The following RAPGEF5 variants were observed in gnomAD, a reference collection of about 807,000 sequenced individuals.
RAPGEF5 encodes the protein Rap guanine nucleotide exchange factor 5.
In RAPGEF5, 65 loss-of-function variants were observed where a neutral mutation model predicts 125.2. That is an observed-to-expected ratio of 0.52 (90% CI 0.43 to 0.64). The LOEUF (loss-of-function observed/expected upper bound fraction) is 0.64. Among genes scored for constraint, RAPGEF5 ranks in the 30% least tolerant of loss-of-function variants. The pLI, the probability that RAPGEF5 is intolerant of heterozygous loss-of-function variation, is 0.00. For synonymous variants in RAPGEF5, 391 were observed against 385.9 expected, an observed-to-expected ratio of 1.01 and a Z score of -0.16; for missense variants, 958 against 1,048.1, an observed-to-expected ratio of 0.91 and a Z score of 1.19.
Position 22,193,964 on chromosome 7 carries a change from G to A in RAPGEF5, c.1066C>T (p.Gln356Ter). ...DQSVLVLKKV[Q>*]CCGPAPTAGS... ...GCTGTGGGGGCTGGGCCACAGCACT[G>A]CACTTTCTTCAGCACCAGGACGCTC... The change falls in exon 10 of 26, where the codon CAG becomes TAG. Residue 356 changes from glutamine (Q) to a stop codon, truncating the protein, a stop_gained. Transcript: ENST00000665637. LOFTEE classifies it high-confidence loss of function. 1 of 1,613,920 alleles carries A rather than the reference G, an allele frequency of 6.2e-7. No homozygotes were observed. Among genetic ancestry groups the A allele is most frequent in the Non-Finnish European group, 8.5e-7 (1 of 1,179,872 alleles).
chr7:22,261,783 T>G (rs1180905685), intron 7 of RAPGEF5, among the ~76,000 whole-genome samples: 1 of 152,132 alleles, frequency 6.6e-6, no homozygotes, highest in African/African-American at 2.4e-5. Context: ...ACATGACTTT[T>G]GACAAAGGTG....
chr7:22,317,690 C>T (rs763672645), intron 2 of RAPGEF5, among the ~76,000 whole-genome samples: 18 of 152,012 alleles, frequency 1.2e-4, no homozygotes, highest in East Asian at 1.9e-4. Context: ...ATATTTATAT[C>T]GTATTTATAT....
intron 1 of RAPGEF5, among the ~76,000 whole-genome samples, chr7:22,349,897 T>C (rs1014614479): frequency 6.6e-6 from 1 of 152,190 alleles, no homozygotes; most frequent in African/African-American, 2.4e-5. Flanking sequence ...TAGGTGAAAA[T>C]ACCTCTTCCC....
chr7:22,241,701 A>G (rs1176544449), intron 7 of RAPGEF5, among the ~76,000 whole-genome samples: 1 of 152,168 alleles, frequency 6.6e-6, no homozygotes, highest in Non-Finnish European at 1.5e-5. Context: ...TTATTATACA[A>G]AACATGGTGA....
At chr7:22,177,500 A>ATGG (rs1276818015) in intron 11 of RAPGEF5, among the ~76,000 whole-genome samples, 1 of 152,234 alleles carries the variant, frequency 6.6e-6, no homozygotes, top group Non-Finnish European at 1.5e-5. Context: ...AAGGAGAAAA[A>ATGG]GTAAGGGAGG....
At chr7:22,150,367 C>T (rs1223416933) in intron 18 of RAPGEF5, 40 bp downstream of exon 18, 1 of 1,584,032 alleles carries the variant, frequency 6.3e-7, no homozygotes, top group East Asian at 2.2e-5. Context: ...GCCACCTCGC[C>T]TGGCCTGTTT....
chr7:22,219,231 C>T lies in RAPGEF5; in HGVS notation c.996+635G>A, dbSNP rs537253869. 3.9e-5 allele frequency among the ~76,000 whole-genome samples: 6 copies of T among 152,078 alleles called. No homozygotes were observed. In the East Asian group the frequency reaches 5.8e-4, roughly 15 times the overall value. ...TGGTCCCATTGTCTTCCCAGCATGA[C>T]GGCAGCACTCTCAGTTCTAAGGCTC... On this transcript the variant is annotated intron_variant, in intron 9 of 25. Coordinates refer to ENST00000665637, the MANE Select transcript of RAPGEF5 (RefSeq NM_012294.5).
At chr7:22,322,180 G>A (rs1192634476) in intron 1 of RAPGEF5, among the ~76,000 whole-genome samples, 1 of 150,766 alleles carries the variant, frequency 6.6e-6, no homozygotes, top group East Asian at 1.9e-4. Context: ...ATGTCGTCCA[G>A]GCTGGAGTGC....
rs1785823018 is a variant in RAPGEF5, at chr7:22,222,756, T to C, written c.871-2765A>G. Among the ~76,000 whole-genome samples the C allele has an allele frequency of 2.0e-5, 3 of 152,156 alleles. No homozygotes were observed. In the South Asian group the frequency reaches 6.2e-4, roughly 32 times the overall value. On this transcript the variant is annotated intron_variant, in intron 8 of 25. Coordinates refer to ENST00000665637, the MANE Select transcript of RAPGEF5 (RefSeq NM_012294.5). ...TATGATTGACATTTTAGCAGGATCATTGTATGTCCTGGGTTGGACTGGGGG... is the reference window on the plus strand; with the variant it reads ...TATGATTGACATTTTAGCAGGATCACTGTATGTCCTGGGTTGGACTGGGGG...
intron 7 of RAPGEF5, among the ~76,000 whole-genome samples, chr7:22,253,513 A>C (rs942008369): frequency 2.0e-5 from 3 of 152,224 alleles, no homozygotes; most frequent in Admixed American, 2.0e-4. Context: ...CCACCAAAAA[A>C]TAAGCATAAA....
chr7:22,260,456 T>A (rs1470897582), intron 7 of RAPGEF5, among the ~76,000 whole-genome samples: 10 of 140,686 alleles, frequency 7.1e-5, no homozygotes, highest in African/African-American at 2.4e-4. Context: ...AAAAATAAAG[T>A]CTATCAAAAA....
At chr7:22,217,888 G>A (rs562535542) in intron 9 of RAPGEF5, among the ~76,000 whole-genome samples, 2 of 152,274 alleles carry the variant, frequency 1.3e-5, no homozygotes, top group South Asian at 4.1e-4. Flanking sequence ...GATAACCAGA[G>A]CAAAGCTGCA....
chr7:22,278,932 C>A (rs1476369111), intron 6 of RAPGEF5, among the ~76,000 whole-genome samples: 1 of 151,870 alleles, frequency 6.6e-6, no homozygotes, highest in African/African-American at 2.4e-5. Flanking sequence ...TCTTGAAGTT[C>A]CGTAATTTTT....
chr7:22,193,607 C>A, intron 10 of RAPGEF5, 152 bp from the exon 11 acceptor site: 2 of 1,550,924 alleles, frequency 1.3e-6, no homozygotes, highest in Non-Finnish European at 8.7e-7. Flanking sequence ...AGCGCCGCGG[C>A]GGAATCTTTC....
Position 22,133,010 on chromosome 7 carries a change from C to G in RAPGEF5, c.2417-1909G>C, listed in dbSNP as rs578075753. Among the ~76,000 whole-genome samples, 137 of 152,240 alleles carry G rather than the reference C, an allele frequency of 9.0e-4. 1 individual carries two copies. The highest frequency in any genetic ancestry group is 1.3e-3 in the Non-Finnish European group (89 of 68,046). ...AGTGGAAAGGACTTGGCTTTTCTTG[C>G]TATCAGGTGCAGTCAACCTGCTCAA... On this transcript the variant is annotated intron_variant, in intron 23 of 25. Transcript: ENST00000665637.
chr7:22,266,847 T>C, intron 7 of RAPGEF5, 117 bp downstream of exon 7: 1 of 970,540 alleles, frequency 1.0e-6, no homozygotes, highest in Non-Finnish European at 1.5e-6. Flanking sequence ...ATGGTATAAT[T>C]CTTTGCATTC....
intron 1 of RAPGEF5, among the ~76,000 whole-genome samples, chr7:22,325,332 A>G (rs1783793386): frequency 1.3e-5 from 2 of 152,144 alleles, no homozygotes; most frequent in Admixed American, 6.5e-5. Context: ...ACTAGCCAAT[A>G]GTGATTTATT....
chr7:22,212,939 C>T (rs1357338304), intron 9 of RAPGEF5, among the ~76,000 whole-genome samples: 15 of 152,138 alleles, frequency 9.9e-5, no homozygotes, highest in Admixed American at 9.8e-4. Context: ...GATGATATGG[C>T]TATTTTAATT....
intron 1 of RAPGEF5, among the ~76,000 whole-genome samples, chr7:22,322,531 T>G (rs1012912029): frequency 2.6e-5 from 4 of 152,160 alleles, no homozygotes; most frequent in African/African-American, 9.7e-5. Flanking sequence ...ATTTTGTAGA[T>G]GACAAAACTA....
Sources: allele counts gnomAD v4.1 joint callset (sites outside exome capture counted in the v4.1 genomes callset), GRCh38; gene constraint gnomAD v4.1.1; transcripts MANE v1.5; gene names NCBI Gene and HGNC (gene_info 2026-07-23, HGNC 2026-07-21).